Variants in DNAH12 observed in about 807,000 individuals in gnomAD.
DNAH12 encodes axonemal beta dynein heavy chain 12.
DNAH12 carries 285 observed loss-of-function variants against 371.5 expected under a neutral mutation model. That is an observed-to-expected ratio of 0.77 (90% CI 0.70 to 0.85). DNAH12 has a LOEUF of 0.85. DNAH12 is among the 40% of genes least tolerant of loss of function. The pLI is 0.00. For missense variants in DNAH12, 3,611 were observed against 3,689.4 expected, an observed-to-expected ratio of 0.98 and a Z score of 0.55; for synonymous variants, 1,200 against 1,213.0, an observed-to-expected ratio of 0.99 and a Z score of 0.22.
intron 43 of DNAH12, among the ~76,000 whole-genome samples, chr3:57,400,995 T>C (rs1466457619): frequency 6.6e-6 from 1 of 152,168 alleles, no homozygotes; most frequent in Non-Finnish European, 1.5e-5. Context: ...TTTAAAAGAC[T>C]GAAATCATAG....
intron 33 of DNAH12, among the ~76,000 whole-genome samples, chr3:57,429,473 G>C (rs1232300218): frequency 2.0e-5 from 3 of 152,164 alleles, no homozygotes; most frequent in Admixed American, 2.0e-4. Flanking sequence ...ACCGTGCCCA[G>C]CCATCCTCTT....
At chr3:57,324,723 G>A (rs2061893317) in intron 62 of DNAH12, among the ~76,000 whole-genome samples, 1 of 152,212 alleles carries the variant, frequency 6.6e-6, no homozygotes. Context: ...GTGGGCGCAG[G>A]TCAGTGGGTG....
chr3:57,533,130 T>A (rs1020733461), intron 2 of DNAH12, among the ~76,000 whole-genome samples: 1 of 152,162 alleles, frequency 6.6e-6, no homozygotes, highest in Non-Finnish European at 1.5e-5. Context: ...CAGGCCCATA[T>A]GGATCACTGC....
intron 4 of DNAH12, among the ~76,000 whole-genome samples, chr3:57,516,166 T>A (rs908929003): frequency 1.4e-5 from 2 of 147,332 alleles, no homozygotes; most frequent in African/African-American, 5.0e-5. Flanking sequence ...TGGGTTCAAG[T>A]GATGTTCCTG....
At chr3:57,539,993 A>G (rs899762010) in intron 2 of DNAH12, among the ~76,000 whole-genome samples, 5 of 151,866 alleles carry the variant, frequency 3.3e-5, no homozygotes, top group African/African-American at 1.2e-4. Flanking sequence ...CATATTTACT[A>G]TCTGTTTCCT....
intron 57 of DNAH12, among the ~76,000 whole-genome samples, chr3:57,365,719 TC>T (rs2063036041): frequency 6.6e-6 from 1 of 152,106 alleles, no homozygotes; most frequent in African/African-American, 2.4e-5. Context: ...TCCTTTCCAA[TC>T]TTTTTTTATT....
intron 70 of DNAH12, among the ~76,000 whole-genome samples, chr3:57,300,285 G>A (rs1559533053): frequency 1.3e-5 from 2 of 152,198 alleles, no homozygotes; most frequent in African/African-American, 4.8e-5. Context: ...AGAAAATTCA[G>A]ATGACTCATT....
At chr3:57,481,328 A>T (rs1376599767) in intron 13 of DNAH12, among the ~76,000 whole-genome samples, 1 of 152,218 alleles carries the variant, frequency 6.6e-6, no homozygotes, top group Non-Finnish European at 1.5e-5. Context: ...CAATTGCTTC[A>T]AAGAGAATAA....
chr3:57,526,082 C>T (rs1049237387), intron 2 of DNAH12, among the ~76,000 whole-genome samples: 2 of 151,832 alleles, frequency 1.3e-5, no homozygotes, highest in Admixed American at 6.6e-5. Flanking sequence ...TTTTTGTACC[C>T]ATTAACCATC....
At chr3:57,371,006 A>C (rs1283980875) in intron 55 of DNAH12, among the ~76,000 whole-genome samples, 1 of 152,196 alleles carries the variant, frequency 6.6e-6, no homozygotes, top group Non-Finnish European at 1.5e-5. Context: ...TGGCTAGGAA[A>C]AAGTGTCCCC....
chr3:57,390,174 G>A (rs1299164149), intron 45 of DNAH12, among the ~76,000 whole-genome samples: 1 of 146,934 alleles, frequency 6.8e-6, no homozygotes, highest in African/African-American at 2.5e-5. Context: ...ACAATGGCTC[G>A]TGCCTATAAT....
intron 2 of DNAH12, among the ~76,000 whole-genome samples, chr3:57,532,768 G>A (rs527987322): frequency 2.6e-5 from 4 of 152,294 alleles, no homozygotes; most frequent in African/African-American, 7.2e-5. Context: ...CCACTCAACT[G>A]TGCTAGGTCA....
At chr3:57,353,333 C>T (rs2062726019) in intron 59 of DNAH12, among the ~76,000 whole-genome samples, 1 of 151,494 alleles carries the variant, frequency 6.6e-6, no homozygotes, top group Non-Finnish European at 1.5e-5. Context: ...CACCCTGTCA[C>T]CCAGGCTGGA....
chr3:57,475,095 T>A (rs2066483833), intron 13 of DNAH12, among the ~76,000 whole-genome samples: 1 of 152,182 alleles, frequency 6.6e-6, no homozygotes, highest in East Asian at 1.9e-4. Context: ...GGGAAAATAT[T>A]TAAATTGGAC....
Position 57,408,414 on chromosome 3 carries a change from A to C in DNAH12, c.6142T>G (p.Cys2048Gly). 1 of 1,551,626 alleles carries C rather than the reference A, an allele frequency of 6.4e-7. No homozygotes were observed. Among genetic ancestry groups the C allele is most frequent in the Non-Finnish European group, 8.7e-7 (1 of 1,146,924 alleles). Residue 2048 changes from cysteine (C) to glycine (G), a missense_variant, in exon 40 of 74, where the codon TGC becomes GGC. By Grantham distance (159) the Cys-to-Gly change is radical. Coordinates refer to ENST00000495027, the MANE Select transcript of DNAH12 (RefSeq NM_001366028.2). The stretch of plus-strand genomic sequence containing the variant: ...TCATCACTAAAAGAATTAATACTGC[A>C]GATGTTGAAATGTCGAATACAACGG... Reference protein sequence around the residue: ...TPRCIRHFNICSINSFSDETM... With the variant: ...TPRCIRHFNIGSINSFSDETM...
intron 12 of DNAH12, 32 bp downstream of exon 12, chr3:57,489,477 T>C (rs903628708): frequency 1.8e-5 from 26 of 1,474,596 alleles, no homozygotes; most frequent in East Asian, 2.6e-5. Context: ...TTTAGCCATA[T>C]AATTCTGAGC....
intron 32 of DNAH12, among the ~76,000 whole-genome samples, chr3:57,431,759 C>T (rs928138743): frequency 4.6e-5 from 7 of 152,198 alleles, no homozygotes; most frequent in Non-Finnish European, 8.8e-5. Context: ...GTCTTCCACT[C>T]AATCAGGCTC....
Position 57,523,583 on chromosome 3 carries a change from T to C in DNAH12, c.279A>G (p.Gly93=). ...QTMTSEMKKK[G]FNYIYMKQCV... is the part of the protein sequence containing the mutation. ...AAGAAATATAAAAACTTGAACTCAC[T>C]CCTTTTTTTTTCATTTCACTGGTCA... The change falls in exon 4 of 74, where the codon GGA becomes GGG. Residue 93 remains glycine (G), a splice_region_variant and synonymous_variant. Transcript: ENST00000495027. 6.3e-7 allele frequency: 1 copy of C among 1,578,660 alleles called. No homozygotes were observed. Among genetic ancestry groups the C allele is most frequent in the South Asian group, 1.2e-5 (1 of 83,006 alleles).
intron 58 of DNAH12, among the ~76,000 whole-genome samples, chr3:57,357,858 A>ACTATTTGT (rs2062836287): frequency 6.6e-6 from 1 of 152,138 alleles, no homozygotes; most frequent in Non-Finnish European, 1.5e-5. Flanking sequence ...GGTATTCAAA[A>ACTATTTGT]CTATTTGTTG....
Sources: allele counts gnomAD v4.1 joint callset (sites outside exome capture counted in the v4.1 genomes callset), GRCh38; gene constraint gnomAD v4.1.1; transcripts MANE v1.5; gene names NCBI Gene and HGNC (gene_info 2026-07-23, HGNC 2026-07-21).